Variants in ZNRF1 observed in about 807,000 individuals in gnomAD.
ZNRF1 encodes the protein zinc and ring finger 1.
ZNRF1 carries 3 observed loss-of-function variants against 18.4 expected under a neutral mutation model. The ratio of observed to expected loss-of-function variants is 0.16; its 90% CI spans 0.07 to 0.42. The LOEUF is 0.42. Among genes scored for constraint, ZNRF1 ranks in the 10% least tolerant of loss-of-function variants. The pLI, the probability that ZNRF1 is intolerant of heterozygous loss-of-function variation, is 0.99. For synonymous variants in ZNRF1, 157 were observed against 144.2 expected, an observed-to-expected ratio of 1.09 and a Z score of -0.64; for missense variants, 310 against 329.8, an observed-to-expected ratio of 0.94 and a Z score of 0.47.
chr16:75,082,762 C>T lies in ZNRF1; in HGVS notation c.425-10810C>T, dbSNP rs373013056. On this transcript the variant is annotated intron_variant, in intron 1 of 4. Transcript: ENST00000335325. ...AGAGACAGGGTTTCACCATGTTGCC[C>T]ACGCTGGTCTTGAATACCTGAGATC... 1.1e-4 allele frequency among the ~76,000 whole-genome samples: 17 copies of T among 152,262 alleles called. 2 individuals carry two copies. Among genetic ancestry groups the T allele is most frequent in the East Asian group, 7.7e-4 (4 of 5,180 alleles).
chr16:75,053,132 G>C (rs1437584681), intron 1 of ZNRF1, among the ~76,000 whole-genome samples: 1 of 152,136 alleles, frequency 6.6e-6, no homozygotes, highest in Non-Finnish European at 1.5e-5. Context: ...GGAAATCTAG[G>C]GGGCTTTATC....
chr16:75,060,022 C>G (rs2035722187), intron 1 of ZNRF1, among the ~76,000 whole-genome samples: 1 of 152,056 alleles, frequency 6.6e-6, no homozygotes, highest in African/African-American at 2.4e-5. Context: ...AGCACTTGGA[C>G]TTGCCGTTAC....
chr16:75,019,147 CAG>C (rs2035110777), intron 1 of ZNRF1, among the ~76,000 whole-genome samples: 1 of 151,908 alleles, frequency 6.6e-6, no homozygotes, highest in Admixed American at 6.6e-5. Flanking sequence ...GCCTGGGAGA[CAG>C]AGTGAGACGT....
At chr16:75,070,211 C>G (rs1428167082) in intron 1 of ZNRF1, among the ~76,000 whole-genome samples, 1 of 152,178 alleles carries the variant, frequency 6.6e-6, no homozygotes, top group African/African-American at 2.4e-5. Context: ...CCACTGGCCC[C>G]AGGAGCATAG....
chr16:75,050,220 C>T (rs1475917374), intron 1 of ZNRF1, among the ~76,000 whole-genome samples: 2 of 152,044 alleles, frequency 1.3e-5, no homozygotes, highest in African/African-American at 2.4e-5. Flanking sequence ...TTAATCCATC[C>T]GAGGACCTTT....
intron 1 of ZNRF1, among the ~76,000 whole-genome samples, chr16:75,013,903 C>T (rs2145327315): frequency 6.6e-6 from 1 of 151,830 alleles, no homozygotes; most frequent in South Asian, 2.1e-4. Flanking sequence ...GGTTTTGGCT[C>T]ACTGCAACCT....
chr16:75,076,127 A>G (rs1036810288), intron 1 of ZNRF1, among the ~76,000 whole-genome samples: 1 of 152,238 alleles, frequency 6.6e-6, no homozygotes, highest in African/African-American at 2.4e-5. Context: ...TTCTTCCTTC[A>G]GAGTCCCATC....
intron 1 of ZNRF1, among the ~76,000 whole-genome samples, chr16:75,043,037 C>A (rs940050204): frequency 6.6e-6 from 1 of 152,208 alleles, no homozygotes; most frequent in Non-Finnish European, 1.5e-5. Flanking sequence ...ACCTCCTTGT[C>A]TCACTGGTAG....
At chr16:75,022,611 A>G (rs758075709) in intron 1 of ZNRF1, among the ~76,000 whole-genome samples, 3 of 152,198 alleles carry the variant, frequency 2.0e-5, no homozygotes, top group Non-Finnish European at 2.9e-5. Flanking sequence ...AAATAAATAA[A>G]TAAATTTAAA....
At position 75,108,884 on chromosome 16, in the gene ZNRF1, C is replaced by A. The variant is rs949234295; in HGVS notation, c.*1184C>A. On this transcript the variant is annotated 3_prime_UTR_variant, in exon 5 of 5. Transcript: ENST00000335325. ...GGCCTGGGTGGAGGGAGTGGCAAGT[C>A]AGGCGTGCCTCCTACAAGCTTCCTA... is the stretch of plus-strand genomic sequence containing the variant. The A allele has an allele frequency of 2.2e-5, 6 of 267,036 alleles. No homozygotes were observed. The highest frequency in any genetic ancestry group is 4.1e-5 in the Non-Finnish European group (6 of 144,944). 16.5% of individuals were successfully genotyped at this position (267,036 alleles called of 1,614,324 possible). A position where few individuals can be genotyped will look rare whatever the true frequency, so the allele number is the denominator to read the frequency against.
intron 1 of ZNRF1, among the ~76,000 whole-genome samples, chr16:75,000,660 G>A (rs1597849033): frequency 6.6e-6 from 1 of 152,234 alleles, no homozygotes; most frequent in Non-Finnish European, 1.5e-5. Flanking sequence ...GGCTGGCATA[G>A]ACAGGTGTGG....
intron 1 of ZNRF1, among the ~76,000 whole-genome samples, chr16:75,072,683 A>C (rs1467974589): frequency 6.6e-6 from 1 of 152,246 alleles, no homozygotes; most frequent in Non-Finnish European, 1.5e-5. Context: ...AAACACATAC[A>C]CACTTGTGCA....
chr16:75,100,751 C>G (rs1384920769), intron 2 of ZNRF1, among the ~76,000 whole-genome samples: 3 of 152,214 alleles, frequency 2.0e-5, no homozygotes, highest in African/African-American at 7.2e-5. Flanking sequence ...TTAGAGGAAA[C>G]TAAGGGCTAT....
chr16:75,069,656 C>T (rs1567485429), intron 1 of ZNRF1, among the ~76,000 whole-genome samples: 3 of 152,206 alleles, frequency 2.0e-5, no homozygotes, highest in Non-Finnish European at 4.4e-5. Flanking sequence ...TCGTGATCCA[C>T]CCGCCTCGGC....
chr16:75,021,224 A>G (rs2035143283), intron 1 of ZNRF1, among the ~76,000 whole-genome samples: 2 of 151,968 alleles, frequency 1.3e-5, no homozygotes, highest in African/African-American at 4.8e-5. Flanking sequence ...TGTTTTTAGT[A>G]GAGACTCTTT....
intron 1 of ZNRF1, among the ~76,000 whole-genome samples, chr16:75,039,990 AATAT>A (rs1196977249): frequency 6.6e-6 from 1 of 151,526 alleles, no homozygotes; most frequent in Non-Finnish European, 1.5e-5. Context: ...AGATTTAGTA[AATAT>A]ATAGTTATGA....
intron 1 of ZNRF1, among the ~76,000 whole-genome samples, chr16:75,040,619 T>G (rs80146381): frequency 7.0e-6 from 1 of 143,762 alleles, no homozygotes; most frequent in Non-Finnish European, 1.5e-5. Context: ...TTTTTTTTTT[T>G]TTTTGAGACA....
intron 1 of ZNRF1, among the ~76,000 whole-genome samples, chr16:75,019,081 G>A (rs1354821868): frequency 1.3e-5 from 2 of 152,162 alleles, no homozygotes; most frequent in South Asian, 4.1e-4. Flanking sequence ...CAGGATGACT[G>A]CTTGAACCCA....
chr16:75,018,414 T>G (rs867017427), intron 1 of ZNRF1, among the ~76,000 whole-genome samples: 16 of 152,310 alleles, frequency 1.1e-4, no homozygotes, highest in East Asian at 3.9e-4. Context: ...TTTGTGTTAC[T>G]TTTCTTTCTT....
Sources: allele counts gnomAD v4.1 joint callset (sites outside exome capture counted in the v4.1 genomes callset), GRCh38; gene constraint gnomAD v4.1.1; transcripts MANE v1.5; gene names NCBI Gene and HGNC (gene_info 2026-07-23, HGNC 2026-07-21).